The following CYBA variants were observed in gnomAD, a reference collection of about 807,000 sequenced individuals.
The protein encoded by CYBA is cytochrome b-245 alpha chain, also known as cytochrome b-245 light chain.
Under a neutral mutation model 20.8 loss-of-function variants are expected in CYBA, and 21 were observed. The ratio of observed to expected loss-of-function variants is 1.01; its 90% CI spans 0.72 to 1.46. CYBA has a LOEUF of 1.46. Ranked by LOEUF, CYBA falls within the 40% of genes most tolerant of loss-of-function variation. The pLI is 0.00. For missense variants in CYBA, 344 were observed against 287.0 expected (o/e 1.20, Z -1.43); for synonymous variants, 164 against 127.5 (o/e 1.29, Z -1.93).
Position 88,650,936 on chromosome 16 carries a change from C to T in CYBA, c.58+20G>A, listed in dbSNP as rs1907503312. On this transcript the variant is annotated intron_variant, in intron 1 of 5. Transcript: ENST00000261623. ...CACCCCTCCAGGCTGCAGCCTCCAC[C>T]GTCCCTGACGTGCACTCACTCAGGC... 3.8e-6 allele frequency: 6 copies of T among 1,581,714 alleles called. No individual in the cohort carries two copies. The highest frequency in any genetic ancestry group is 5.1e-6 in the Non-Finnish European group (6 of 1,165,426).
rs773727027 is a variant in CYBA, at chr16:88,647,086, CAGG to C, written c.203+12_203+14del. ...CGCAGCCCCCGGAGAGACCCCAGAG[CAGG>C]AGGAGACTCACCAGCGCTCCATGGT... On this transcript the variant is annotated intron_variant, in intron 3 of 5. Coordinates refer to ENST00000261623, the MANE Select transcript of CYBA (RefSeq NM_000101.4). 11 of 1,607,206 alleles carry C rather than the reference CAGG, an allele frequency of 6.8e-6. No homozygotes were observed. In the East Asian group the frequency reaches 1.1e-4, roughly 16 times the overall value.
At chr16:88,648,202 G>A (rs1395281643) in intron 1 of CYBA, 88 bp from the exon 2 acceptor site, 44 of 1,255,650 alleles carry the variant, frequency 3.5e-5, no homozygotes, top group Non-Finnish European at 4.7e-5. Context: ...GGGCCACCAG[G>A]CCACCCAGAG....
chr16:88,646,606 G>A (rs1211529104), intron 4 of CYBA, 149 bp downstream of exon 4: 16 of 755,282 alleles, frequency 2.1e-5, no homozygotes, highest in Non-Finnish European at 3.8e-5. Flanking sequence ...CACAGGCCCT[G>A]CCAGAGCCAG....
chr16:88,645,108 C>T, intron 5 of CYBA: 1 of 693,244 alleles, frequency 1.4e-6, no homozygotes, highest in Non-Finnish European at 2.6e-6. Flanking sequence ...GATGCCTGAC[C>T]CAGCAATTCC....
At chr16:88,646,356 C>T (rs1364775022) in intron 4 of CYBA, 159 bp from the exon 5 acceptor site, 5 of 651,754 alleles carry the variant, frequency 7.7e-6, no homozygotes, top group Non-Finnish European at 1.4e-5. Context: ...CCTGGGTGTT[C>T]TCAGCCTTGA....
At chr16:88,650,893 C>T (rs1423650951) in intron 1 of CYBA, 63 bp downstream of exon 1, 11 of 1,520,118 alleles carry the variant, frequency 7.2e-6, no homozygotes, top group African/African-American at 1.4e-5. Context: ...GCCCGAGGTC[C>T]CGGCTGGGGT....
In CYBA at chr16:88,643,439, T is replaced by C; in HGVS notation, c.502A>G (p.Ser168Gly). The C allele has an allele frequency of 6.5e-7, 1 of 1,534,320 alleles. No homozygotes were observed. Among genetic ancestry groups the C allele is most frequent in the Non-Finnish European group, 8.7e-7 (1 of 1,143,488 alleles). The change falls in exon 6 of 6, where the codon AGC (serine) becomes GGC (glycine). Residue 168 changes from serine (S) to glycine (G), a missense_variant. Physicochemically the swap from Ser to Gly is moderately conservative, Grantham distance 56. Coordinates refer to ENST00000261623, the MANE Select transcript of CYBA (RefSeq NM_000101.4). The surrounding 1 kb of genome is among the most constrained non-coding windows in gnomAD (Gnocchi z 4.3). The stretch of plus-strand genomic sequence containing the variant: ...GCCGCCACCGCAGCCTCCTCCTCGC[T>C]GGGCTTCTTGCGGGCCTCGGCCGGG... ...RPPAEARKKP[S>G]EEEAAVAAGG...
chr16:88,647,288 TC>T, intron 2 of CYBA, 113 bp from the exon 3 acceptor site: 1 of 1,038,848 alleles, frequency 9.6e-7, no homozygotes, highest in Non-Finnish European at 1.4e-6. Flanking sequence ...ATGCCTGGAA[TC>T]CCAGCATTTT....
At chr16:88,647,206 C>T (rs1392810874) in intron 2 of CYBA, 31 bp from the exon 3 acceptor site, 1 of 1,606,790 alleles carries the variant, frequency 6.2e-7, no homozygotes, top group Non-Finnish European at 8.5e-7. Context: ...AACAGCCCAG[C>T]TCAGCCTGAG....
chr16:88,643,289 T>TCCCGGCTTC lies in CYBA; in HGVS notation c.*55_*63dup. 3 of 1,277,384 alleles carry TCCCGGCTTC rather than the reference T, an allele frequency of 2.3e-6. No homozygotes were observed. The highest frequency in any genetic ancestry group is 3.1e-6 in the Non-Finnish European group (3 of 957,190). 79.1% of individuals were successfully genotyped at this position (1,277,384 alleles called of 1,614,324 possible). ...CGGCCCCAGGCAGAGGCTCACGCGCTCCCGGCTTCGCTGCATTTATTGCAG... is the reference window on the plus strand; with the variant it reads ...CGGCCCCAGGCAGAGGCTCACGCGCTCCCGGCTTCCCCGGCTTCGCTGCATTTATTGCAG... On this transcript the variant is annotated 3_prime_UTR_variant, in exon 6 of 6. Transcript: ENST00000261623. The surrounding 1 kb of genome is among the most constrained non-coding windows in gnomAD (Gnocchi z 4.3).
chr16:88,650,909 G>T (rs1229538152), intron 1 of CYBA, 47 bp downstream of exon 1: 20 of 1,550,466 alleles, frequency 1.3e-5, no homozygotes, highest in Non-Finnish European at 1.7e-5. Context: ...GGGGTCTTGG[G>T]ACACCCCTCC....
chr16:88,649,149 G>A (rs1907410200), intron 1 of CYBA, among the ~76,000 whole-genome samples: 3 of 151,450 alleles, frequency 2.0e-5, no homozygotes, highest in Non-Finnish European at 2.9e-5. Context: ...GTGTTAGCCA[G>A]GATGGTCTCG....
intron 3 of CYBA, 73 bp from the exon 4 acceptor site, chr16:88,646,911 C>G (rs973352740): frequency 4.5e-6 from 6 of 1,347,150 alleles, no homozygotes; most frequent in African/African-American, 2.9e-5. Context: ...GCCCTGCTGA[C>G]CACCCCAGGG....
chr16:88,644,588 G>T (rs980356430), intron 5 of CYBA, among the ~76,000 whole-genome samples: 16 of 152,252 alleles, frequency 1.1e-4, no homozygotes, highest in African/African-American at 3.6e-4. Context: ...ACTTTGGGAG[G>T]CCGAGGCGGG....
intron 1 of CYBA, chr16:88,650,550 A>G (rs1907478473): frequency 4.1e-6 from 2 of 486,620 alleles, no homozygotes; most frequent in African/African-American, 1.9e-5. Context: ...CCTCCAGGCC[A>G]GCTGGCTACC....
chr16:88,643,634 C>A lies in CYBA; in HGVS notation c.370-63G>T. The A allele has an allele frequency of 6.9e-7, 1 of 1,439,238 alleles. No homozygotes were observed. Among genetic ancestry groups the A allele is most frequent in the Non-Finnish European group, 9.4e-7 (1 of 1,063,606 alleles). The allele number at this position is 1,439,238 out of a possible 1,614,324, so 89.2% of individuals were successfully genotyped here. On this transcript the variant is annotated intron_variant, in intron 5 of 5. Transcript: ENST00000261623. This position sits in a 1 kb window ranked among gnomAD's most constrained non-coding sequence, Gnocchi z 4.3. Reference sequence around the variant, plus strand: ...CCGCCCTCCCTCCCTCCCTCCCTCCCCGGAGGCCCACCCCGCTAGGGGCCC... The same window carrying A: ...CCGCCCTCCCTCCCTCCCTCCCTCCACGGAGGCCCACCCCGCTAGGGGCCC...
In CYBA at chr16:88,643,299, G is replaced by GCT. The variant is rs1907144106; in HGVS notation, c.*52_*53dup. ...CAGAGGCTCACGCGCTCCCGGCTTC[G>GCT]CTGCATTTATTGCAGGTGGGTGCAC... On this transcript the variant is annotated 3_prime_UTR_variant, in exon 6 of 6. Coordinates refer to ENST00000261623, the MANE Select transcript of CYBA (RefSeq NM_000101.4). The surrounding 1 kb of genome is among the most constrained non-coding windows in gnomAD (Gnocchi z 4.3). The GCT allele has an allele frequency of 7.5e-7, 1 of 1,329,270 alleles. No homozygotes were observed. The highest frequency in any genetic ancestry group is 1.6e-5 in the African/African-American group (1 of 64,358). 82.3% of individuals were successfully genotyped at this position (1,329,270 alleles called of 1,614,324 possible).
At position 88,643,403 on chromosome 16, in the gene CYBA, GGGGTCCCCCCGCCGC is replaced by G; in HGVS notation, c.523_537del (p.Ala175_Pro179del). On this transcript the variant is annotated inframe_deletion, in exon 6 of 6. Coordinates refer to ENST00000261623, the MANE Select transcript of CYBA (RefSeq NM_000101.4). The surrounding 1 kb of genome is among the most constrained non-coding windows in gnomAD (Gnocchi z 4.3). ...ATGGGGTTGACCTGGGGACCTCCCG[GGGGTCCCCCCGCCGC>G]CACCGCAGCCTCCTCCTCGCTGGGC... is the stretch of plus-strand genomic sequence containing the variant. 6.5e-7 allele frequency: 1 copy of G among 1,534,964 alleles called. No individual in the cohort carries two copies. Among genetic ancestry groups the G allele is most frequent in the Non-Finnish European group, 8.7e-7 (1 of 1,143,578 alleles).
intron 1 of CYBA, chr16:88,650,347 C>A (rs1597374009): frequency 2.2e-6 from 1 of 456,548 alleles, no homozygotes; most frequent in Non-Finnish European, 4.4e-6. Context: ...AGCAAATGCA[C>A]AGGAGGGTGA....
Sources: allele counts gnomAD v4.1 joint callset (sites outside exome capture counted in the v4.1 genomes callset), GRCh38; gene constraint gnomAD v4.1.1; non-coding constraint Gnocchi (gnomAD v3.1); transcripts MANE v1.5; gene names NCBI Gene and HGNC (gene_info 2026-07-23, HGNC 2026-07-21).